SKAP1: variants seen among roughly 807,000 people sequenced by gnomAD.
SKAP1 encodes src kinase-associated phosphoprotein 1.
A neutral mutation model predicts 58.5 loss-of-function variants in SKAP1; 44 were observed. The ratio of observed to expected loss-of-function variants is 0.75; its 90% CI spans 0.59 to 0.97. The LOEUF (loss-of-function observed/expected upper bound fraction) is 0.97, where lower values mean the gene tolerates loss of function less well. Ranked by LOEUF, SKAP1 falls within the 50% of genes least tolerant of loss-of-function variation. The probability of loss-of-function intolerance (pLI) is 0.00; values close to 1 mark genes in which losing one functional copy is unlikely to be tolerated. For synonymous variants in SKAP1, 127 were observed against 149.7 expected (o/e 0.85, Z 1.11); for missense variants, 390 against 435.2 (o/e 0.90, Z 0.92).
chr17:48,345,838 C>A, intron 4 of SKAP1, 67 bp downstream of exon 4: 1 of 1,117,940 alleles, frequency 8.9e-7, no homozygotes, highest in Non-Finnish European at 1.3e-6. Flanking sequence ...TGACAAAAGG[C>A]AAAGATGTCA....
chr17:48,224,068 A>G (rs58282489), intron 4 of SKAP1, among the ~76,000 whole-genome samples: 1,247 of 19,032 alleles, frequency 0.066, 42 homozygotes, highest in African/African-American at 0.069. Flanking sequence ...GGAGGAGGAG[A>G]AGGAGGAGGA....
chr17:48,169,395 G>A (rs2064180839), intron 10 of SKAP1, among the ~76,000 whole-genome samples: 1 of 152,198 alleles, frequency 6.6e-6, no homozygotes, highest in Non-Finnish European at 1.5e-5. Context: ...AAAGATATAT[G>A]TGGAACATGG....
intron 4 of SKAP1, among the ~76,000 whole-genome samples, chr17:48,224,649 A>C (rs1404757039): frequency 6.6e-6 from 1 of 152,220 alleles, no homozygotes. Flanking sequence ...ATGGATAGGA[A>C]CTGTCATCAA....
At chr17:48,206,137 T>C (rs2143644634) in intron 4 of SKAP1, among the ~76,000 whole-genome samples, 1 of 152,190 alleles carries the variant, frequency 6.6e-6, no homozygotes, top group South Asian at 2.1e-4. Flanking sequence ...ATGTGGAAAA[T>C]TACAATTCTG....
intron 4 of SKAP1, among the ~76,000 whole-genome samples, chr17:48,271,354 C>G (rs1390209979): frequency 7.7e-6 from 1 of 130,072 alleles, no homozygotes; most frequent in African/African-American, 2.8e-5. Context: ...ATTCTTGTTT[C>G]TTTGTTTCTT....
At chr17:48,396,389 C>T (rs1175954022) in intron 2 of SKAP1, among the ~76,000 whole-genome samples, 1 of 152,166 alleles carries the variant, frequency 6.6e-6, no homozygotes, top group Non-Finnish European at 1.5e-5. Context: ...TTAGCTTTCA[C>T]CATTTTTTTA....
At chr17:48,164,922 C>T (rs1293104905) in intron 10 of SKAP1, among the ~76,000 whole-genome samples, 1 of 152,210 alleles carries the variant, frequency 6.6e-6, no homozygotes, top group Non-Finnish European at 1.5e-5. Flanking sequence ...TGTATGTGTG[C>T]ATGCAACTTC....
In SKAP1 at chr17:48,299,465, G is replaced by A. The variant is rs549711048; in HGVS notation, c.280+46440C>T. Among the ~76,000 whole-genome samples the A allele has an allele frequency of 6.4e-4, 98 of 152,212 alleles. No homozygotes were observed. The Middle Eastern group carries it at 0.014, about 21-fold the overall frequency. On this transcript the variant is annotated intron_variant, in intron 4 of 12. Transcript: ENST00000336915. ...AGATATCATTGAAGGGGGAAGAGGGGGAGGCTGTCACTCTGTGGCACATTA... is the reference window on the plus strand; with the variant it reads ...AGATATCATTGAAGGGGGAAGAGGGAGAGGCTGTCACTCTGTGGCACATTA...
intron 4 of SKAP1, among the ~76,000 whole-genome samples, chr17:48,306,033 G>A (rs943841725): frequency 6.6e-6 from 1 of 152,236 alleles, no homozygotes; most frequent in East Asian, 1.9e-4. Context: ...AGATTTTCAA[G>A]TTATACATAA....
intron 4 of SKAP1, among the ~76,000 whole-genome samples, chr17:48,235,245 G>A (rs908078012): frequency 1.3e-5 from 2 of 152,164 alleles, no homozygotes; most frequent in Admixed American, 6.5e-5. Flanking sequence ...GGGACCTGAA[G>A]ATAGGGAGGT....
intron 4 of SKAP1, among the ~76,000 whole-genome samples, chr17:48,210,900 A>G (rs1158484143): frequency 6.6e-6 from 1 of 152,190 alleles, no homozygotes; most frequent in Non-Finnish European, 1.5e-5. Context: ...CTCCAAAGGA[A>G]GTCCTTACCA....
intron 4 of SKAP1, among the ~76,000 whole-genome samples, chr17:48,219,621 A>G (rs1260449151): frequency 6.6e-6 from 1 of 152,226 alleles, no homozygotes; most frequent in African/African-American, 2.4e-5. Flanking sequence ...TGTTGGTACC[A>G]TAACCCAGTT....
At chr17:48,369,026 A>G (rs891398722) in intron 2 of SKAP1, among the ~76,000 whole-genome samples, 1 of 152,084 alleles carries the variant, frequency 6.6e-6, no homozygotes, top group Non-Finnish European at 1.5e-5. Flanking sequence ...GCATGCCTGT[A>G]ATCTCAGCTA....
At chr17:48,372,525 G>A (rs776317575) in intron 2 of SKAP1, among the ~76,000 whole-genome samples, 1 of 151,204 alleles carries the variant, frequency 6.6e-6, no homozygotes, top group Non-Finnish European at 1.5e-5. Context: ...GGCTGGTCTC[G>A]AACTCCTGAC....
chr17:48,432,953 C>G (rs2067926936), upstream of SKAP1, among the ~76,000 whole-genome samples: 1 of 152,208 alleles, frequency 6.6e-6, no homozygotes, highest in Non-Finnish European at 1.5e-5. Flanking sequence ...ACAAGAATCT[C>G]TGGGTTTTAG....
chr17:48,417,563 G>C (rs527467885), intron 1 of SKAP1, among the ~76,000 whole-genome samples: 1 of 152,246 alleles, frequency 6.6e-6, no homozygotes, highest in South Asian at 2.1e-4. Context: ...TGGGCAACAT[G>C]ATGAAACCCT....
chr17:48,210,339 G>T (rs1467863373), intron 4 of SKAP1, among the ~76,000 whole-genome samples: 2 of 152,158 alleles, frequency 1.3e-5, no homozygotes, highest in South Asian at 2.1e-4. Context: ...ACTGATTCAG[G>T]ATTATCTGGA....
At chr17:48,400,179 AC>A (rs1277166668) in intron 1 of SKAP1, among the ~76,000 whole-genome samples, 1 of 151,034 alleles carries the variant, frequency 6.6e-6, no homozygotes, top group Non-Finnish European at 1.5e-5. Context: ...GCTCACTGCA[AC>A]CTCTGGCTCC....
chr17:48,406,855 T>G (rs1313306197), intron 1 of SKAP1, among the ~76,000 whole-genome samples: 8 of 152,134 alleles, frequency 5.3e-5, no homozygotes, highest in Admixed American at 3.9e-4. Flanking sequence ...TGTAAGCCAC[T>G]GTGCCCAACC....
Sources: gnomAD v4.1 joint callset for allele counts (sites outside exome capture counted in the v4.1 genomes callset) on GRCh38, gnomAD v4.1.1 for gene constraint, MANE v1.5 for transcripts, NCBI Gene and HGNC (gene_info 2026-07-23, HGNC 2026-07-21) for gene names.